Variants in SCFD2 observed in about 807,000 individuals in gnomAD.
SCFD2 encodes the protein sec1 family domain-containing protein 2.
Under a neutral mutation model 58.9 loss-of-function variants are expected in SCFD2, and 54 were observed. That is an observed-to-expected ratio of 0.92 (90% CI 0.74 to 1.15). The LOEUF is 1.15. SCFD2 is among the 50% of genes most tolerant of loss of function. SCFD2 has a pLI of 0.00. For synonymous variants in SCFD2, 321 were observed against 335.9 expected, an observed-to-expected ratio of 0.96 and a Z score of 0.49; for missense variants, 805 against 836.6, an observed-to-expected ratio of 0.96 and a Z score of 0.47.
In SCFD2 at chr4:53,023,079, T is replaced by A. The variant is rs544871168; in HGVS notation, c.1562-102209A>T. Among the ~76,000 whole-genome samples, 17 of 152,312 alleles carry A rather than the reference T, an allele frequency of 1.1e-4. No individual in the cohort carries two copies. In the East Asian group the frequency reaches 3.3e-3, roughly 29 times the overall value. On this transcript the variant is annotated intron_variant, in intron 5 of 8. Transcript: ENST00000401642. Reference sequence around the variant, plus strand: ...TGGTGATCATGAGTTGTTGTTATCTTCTTGAGACCTTTGTGCATAGAGAGT... The same window carrying A: ...TGGTGATCATGAGTTGTTGTTATCTACTTGAGACCTTTGTGCATAGAGAGT...
chr4:53,112,436 T>C (rs1480965913), intron 5 of SCFD2, among the ~76,000 whole-genome samples: 2 of 152,146 alleles, frequency 1.3e-5, no homozygotes, highest in Admixed American at 6.6e-5. Context: ...GTATAGCTGG[T>C]ATGGCTCTAC....
At chr4:52,995,515 G>A (rs187957982) in intron 5 of SCFD2, among the ~76,000 whole-genome samples, 2 of 152,342 alleles carry the variant, frequency 1.3e-5, no homozygotes, top group Non-Finnish European at 2.9e-5. Flanking sequence ...TTTCTTAAGA[G>A]CAAGAACTGA....
chr4:53,329,268 C>CTA (rs1733334957), intron 2 of SCFD2, among the ~76,000 whole-genome samples: 1 of 152,330 alleles, frequency 6.6e-6, no homozygotes, highest in Admixed American at 6.5e-5. Flanking sequence ...CTGCCTGCCT[C>CTA]TGTAGGCTTC....
At chr4:52,921,384 G>T (rs1039970459) in intron 5 of SCFD2, among the ~76,000 whole-genome samples, 1 of 152,166 alleles carries the variant, frequency 6.6e-6, no homozygotes, top group African/African-American at 2.4e-5. Flanking sequence ...ATCAAACACA[G>T]GGGGACTTAA....
intron 5 of SCFD2, among the ~76,000 whole-genome samples, chr4:52,955,306 A>G (rs998703211): frequency 1.3e-5 from 2 of 152,180 alleles, no homozygotes; most frequent in African/African-American, 2.4e-5. Context: ...TCTTCTTGCT[A>G]CTAATTTTGC....
intron 5 of SCFD2, among the ~76,000 whole-genome samples, chr4:52,996,166 A>G (rs1721737025): frequency 6.6e-6 from 1 of 152,222 alleles, no homozygotes; most frequent in Non-Finnish European, 1.5e-5. Context: ...TGAGTCAGTC[A>G]GGGACCAGAC....
At chr4:53,304,897 G>A (rs1299592191) in intron 3 of SCFD2, among the ~76,000 whole-genome samples, 1 of 152,072 alleles carries the variant, frequency 6.6e-6, no homozygotes, top group East Asian at 1.9e-4. Flanking sequence ...CTTTGGAGGA[G>A]AAGAGATGTT....
chr4:53,239,310 G>C (rs1254084984), intron 4 of SCFD2, among the ~76,000 whole-genome samples: 1 of 152,006 alleles, frequency 6.6e-6, no homozygotes, highest in Admixed American at 6.6e-5. Flanking sequence ...GTACAGTCCA[G>C]CTTTGGCTCA....
intron 5 of SCFD2, among the ~76,000 whole-genome samples, chr4:52,985,230 T>C (rs964437264): frequency 2.0e-5 from 3 of 152,210 alleles, no homozygotes; most frequent in African/African-American, 4.8e-5. Flanking sequence ...CTCCCAGGTA[T>C]GAAGAGTGGG....
chr4:53,295,021 G>A (rs764561629), intron 3 of SCFD2, among the ~76,000 whole-genome samples: 20 of 152,048 alleles, frequency 1.3e-4, no homozygotes, highest in Admixed American at 2.6e-4. Context: ...TACCAGTACC[G>A]TGCTGTTTTG....
At chr4:53,141,759 C>G (rs1232683395) in intron 5 of SCFD2, among the ~76,000 whole-genome samples, 1 of 152,118 alleles carries the variant, frequency 6.6e-6, no homozygotes, top group African/African-American at 2.4e-5. Flanking sequence ...CCTCAGGATT[C>G]TGGGGATCAG....
At chr4:53,304,173 G>A (rs1349743893) in intron 3 of SCFD2, among the ~76,000 whole-genome samples, 1 of 151,952 alleles carries the variant, frequency 6.6e-6, no homozygotes, top group Non-Finnish European at 1.5e-5. Flanking sequence ...CTTCTGGCTT[G>A]TAGGGATACT....
chr4:53,305,821 C>A (rs917148721), intron 3 of SCFD2, among the ~76,000 whole-genome samples: 10 of 152,150 alleles, frequency 6.6e-5, no homozygotes, highest in African/African-American at 2.4e-4. Flanking sequence ...TAAACAGGTT[C>A]TAAGACCAAG....
chr4:53,300,538 A>T (rs964882309), intron 3 of SCFD2, among the ~76,000 whole-genome samples: 1 of 152,198 alleles, frequency 6.6e-6, no homozygotes, highest in African/African-American at 2.4e-5. Context: ...TAGACAGATC[A>T]ACGAGAAAGA....
At chr4:52,979,664 C>T (rs1462290964) in intron 5 of SCFD2, among the ~76,000 whole-genome samples, 3 of 152,028 alleles carry the variant, frequency 2.0e-5, no homozygotes, top group Non-Finnish European at 4.4e-5. Flanking sequence ...CAGTAAATCC[C>T]AATTATTTAC....
intron 5 of SCFD2, among the ~76,000 whole-genome samples, chr4:53,069,940 A>G (rs757692803): frequency 5.8e-4 from 88 of 152,050 alleles, no homozygotes; most frequent in Non-Finnish European, 9.6e-4. Flanking sequence ...ATAGCTTCAT[A>G]ATTAACTATT....
At chr4:53,357,107 T>A (rs1734423636) in intron 1 of SCFD2, among the ~76,000 whole-genome samples, 1 of 152,124 alleles carries the variant, frequency 6.6e-6, no homozygotes, top group East Asian at 1.9e-4. Flanking sequence ...GAGTAATAGA[T>A]AATATGTATT....
intron 1 of SCFD2, among the ~76,000 whole-genome samples, chr4:53,354,223 C>G (rs1254091700): frequency 6.6e-6 from 1 of 152,244 alleles, no homozygotes; most frequent in Admixed American, 6.5e-5. Flanking sequence ...GTACCAAGCC[C>G]TGCCCCGCGG....
intron 4 of SCFD2, among the ~76,000 whole-genome samples, chr4:53,202,759 T>C (rs1344443008): frequency 6.6e-6 from 1 of 152,082 alleles, no homozygotes; most frequent in Non-Finnish European, 1.5e-5. Flanking sequence ...GTAAGTTGGA[T>C]TCCTAGGTAT....
Sources: gnomAD v4.1 joint callset for allele counts (sites outside exome capture counted in the v4.1 genomes callset) on GRCh38, gnomAD v4.1.1 for gene constraint, MANE v1.5 for transcripts, NCBI Gene and HGNC (gene_info 2026-07-23, HGNC 2026-07-21) for gene names.